ZMYND8: variants seen among roughly 807,000 people sequenced by gnomAD.
ZMYND8 encodes MYND-type zinc finger-containing chromatin reader ZMYND8.
ZMYND8 carries 37 observed loss-of-function variants against 140.8 expected under a neutral mutation model. The ratio of observed to expected loss-of-function variants is 0.26; its 90% confidence interval spans 0.20 to 0.35. The LOEUF (loss-of-function observed/expected upper bound fraction) is 0.35. Among genes scored for constraint, ZMYND8 ranks in the 10% least tolerant of loss-of-function variants. The probability of loss-of-function intolerance (pLI) is 1.00; values close to 1 mark genes in which losing one functional copy is unlikely to be tolerated. For missense variants in ZMYND8, 1,068 were observed against 1,570.0 expected (o/e 0.68, Z 5.40); for synonymous variants, 592 against 597.1 (o/e 0.99, Z 0.12).
intron 9 of ZMYND8, 57 bp downstream of exon 9, chr20:47,283,514 T>C (rs1490065183): frequency 3.1e-5 from 49 of 1,572,530 alleles, no homozygotes; most frequent in Non-Finnish European, 4.0e-5. Flanking sequence ...TGTCTCAGGG[T>C]AGTCATCCAA....
At chr20:47,274,944 A>T (rs1212814837) in intron 11 of ZMYND8, among the ~76,000 whole-genome samples, 2 of 152,204 alleles carry the variant, frequency 1.3e-5, no homozygotes, top group East Asian at 3.8e-4. Context: ...TGGTATCCTG[A>T]AGAACTGATG....
intron 3 of ZMYND8, among the ~76,000 whole-genome samples, chr20:47,304,467 A>C (rs540658674): frequency 1.3e-4 from 20 of 152,232 alleles, no homozygotes; most frequent in Non-Finnish European, 2.8e-4. Flanking sequence ...AAAACTCTAT[A>C]AACACAGGCT....
intron 2 of ZMYND8, among the ~76,000 whole-genome samples, chr20:47,333,743 A>AAAAAAAAAAAC (rs1450305767): frequency 7.7e-5 from 11 of 142,510 alleles, no homozygotes; most frequent in African/African-American, 3.2e-4. Flanking sequence ...AAAAAAAAAA[A>AAAAAAAAAAAC]AAAAAAAAAA....
At chr20:47,308,028 G>A (rs931914873) in intron 3 of ZMYND8, among the ~76,000 whole-genome samples, 1 of 149,816 alleles carries the variant, frequency 6.7e-6, no homozygotes, top group Admixed American at 6.6e-5. Context: ...TGAGGCAGAA[G>A]AATCCCTTGA....
At chr20:47,280,486 AAG>A (rs2076539750) in intron 10 of ZMYND8, among the ~76,000 whole-genome samples, 1 of 152,164 alleles carries the variant, frequency 6.6e-6, no homozygotes, top group Non-Finnish European at 1.5e-5. Context: ...CATGCTCTGT[AAG>A]CCACCTTCAG....
rs2076270693 is a variant in ZMYND8, at chr20:47,276,524, T to C, written c.1270A>G (p.Thr424Ala). Residue 424 changes from threonine to alanine, a missense_variant, in exon 11 of 23, where the codon ACG becomes GCG. By Grantham distance (58) the Thr-to-Ala change is moderately conservative (BLOSUM62 0). This residue lies in a region of ZMYND8 where 173 missense variants were observed against 223.3 expected (regional missense o/e 0.77). Coordinates refer to ENST00000471951, the MANE Select transcript of ZMYND8 (RefSeq NM_001281775.3). ...QEKVKLNFDM[T>A]ASPKILMSKP... ...CTCATCAGGATCTTGGGGGATGCCG[T>C]CATGTCAAAGTTGAGCTTGACCTTC... 1 of 1,613,946 alleles carries C rather than the reference T, an allele frequency of 6.2e-7. No homozygotes were observed. The highest frequency in any genetic ancestry group is 8.5e-7 in the Non-Finnish European group (1 of 1,180,004).
At chr20:47,223,802 GGCAACAAGA>G (rs2037327941) in intron 19 of ZMYND8, among the ~76,000 whole-genome samples, 1 of 151,430 alleles carries the variant, frequency 6.6e-6, no homozygotes, top group Non-Finnish European at 1.5e-5. Flanking sequence ...CTCCAGCCTG[GGCAACAAGA>G]GCGAAACTCT....
intron 17 of ZMYND8, among the ~76,000 whole-genome samples, chr20:47,228,858 C>T (rs1437292188): frequency 6.6e-6 from 1 of 152,208 alleles, no homozygotes; most frequent in Admixed American, 6.5e-5. Flanking sequence ...AACCCGTTTG[C>T]ATCTGGCCTA....
intron 6 of ZMYND8, among the ~76,000 whole-genome samples, chr20:47,291,424 C>G (rs1241248814): frequency 2.6e-5 from 4 of 152,130 alleles, no homozygotes; most frequent in Non-Finnish European, 1.5e-5. Flanking sequence ...TGGAGGCTTC[C>G]CAGACACTTA....
At chr20:47,211,490 G>C (rs1043813906) in intron 22 of ZMYND8, among the ~76,000 whole-genome samples, 1 of 152,226 alleles carries the variant, frequency 6.6e-6, no homozygotes, top group African/African-American at 2.4e-5. Context: ...GAAGAATTCA[G>C]AATCAGAATA....
chr20:47,233,196 C>T (rs981669320), intron 16 of ZMYND8, among the ~76,000 whole-genome samples: 2 of 147,562 alleles, frequency 1.4e-5, no homozygotes, highest in South Asian at 2.2e-4. Flanking sequence ...TGTGAGACAC[C>T]GCACCAGGCT....
rs2034971203 is a variant in ZMYND8, at chr20:47,209,365, G to C, written c.*1396C>G. 6.6e-6 allele frequency: 1 copy of C among 152,016 alleles called. No homozygotes were observed. Among genetic ancestry groups the C allele is most frequent in the Non-Finnish European group, 1.5e-5 (1 of 68,016 alleles). The allele number at this position is 152,016 out of a possible 1,614,324, so 9.4% of individuals were successfully genotyped here. ...ACACCACCATCAAAAAGATATTTAA[G>C]TTTAATACAAATTTTATACAAAGAA... On this transcript the variant is annotated 3_prime_UTR_variant, in exon 23 of 23. Transcript: ENST00000471951.
intron 12 of ZMYND8, 110 bp downstream of exon 12, chr20:47,262,178 G>T: frequency 6.8e-7 from 1 of 1,473,650 alleles, no homozygotes; most frequent in Non-Finnish European, 9.3e-7. Flanking sequence ...TGCATTTTTT[G>T]CATAGAGAAA....
intron 12 of ZMYND8, among the ~76,000 whole-genome samples, chr20:47,260,055 C>T (rs2075041042): frequency 6.6e-6 from 1 of 152,138 alleles, no homozygotes; most frequent in Non-Finnish European, 1.5e-5. Flanking sequence ...CCTGCCATAC[C>T]CAGATCTGTC....
chr20:47,254,736 G>A (rs1208524395), intron 12 of ZMYND8, among the ~76,000 whole-genome samples: 1 of 152,006 alleles, frequency 6.6e-6, no homozygotes, highest in Non-Finnish European at 1.5e-5. Context: ...GGTGGGGTGG[G>A]GTGGAGGGGC....
chr20:47,273,635 T>C (rs886342060), intron 11 of ZMYND8, among the ~76,000 whole-genome samples: 3 of 152,236 alleles, frequency 2.0e-5, no homozygotes, highest in African/African-American at 4.8e-5. Flanking sequence ...TTCTTCTATC[T>C]AGCTAGCTGT....
chr20:47,305,630 A>T (rs1449867520), intron 3 of ZMYND8, among the ~76,000 whole-genome samples: 1 of 152,084 alleles, frequency 6.6e-6, no homozygotes, highest in Non-Finnish European at 1.5e-5. Flanking sequence ...TGTGGGCCCA[A>T]GAAAATAAGT....
intron 14 of ZMYND8, among the ~76,000 whole-genome samples, chr20:47,239,530 G>C (rs1178073768): frequency 6.6e-6 from 1 of 152,224 alleles, no homozygotes; most frequent in Non-Finnish European, 1.5e-5. Flanking sequence ...GGCACCTTGA[G>C]AAGGGCCCAG....
rs535019574 is a variant in ZMYND8 at position 47,247,966 on chromosome 20, T to C, written c.1774+1321A>G. Among the ~76,000 whole-genome samples, 8 of 152,240 alleles carry C rather than the reference T, an allele frequency of 5.3e-5. No homozygotes were observed. In the South Asian group the frequency reaches 1.2e-3, roughly 24 times the overall value. ...AAGCCAAAATACAAACACCCAGATCTGGTATAATTCTGGGATCCTAGGCTT... is the reference window on the plus strand; with the variant it reads ...AAGCCAAAATACAAACACCCAGATCCGGTATAATTCTGGGATCCTAGGCTT... On this transcript the variant is annotated intron_variant, in intron 13 of 22. Transcript: ENST00000471951.
Sources: allele counts gnomAD v4.1 joint callset (sites outside exome capture counted in the v4.1 genomes callset), GRCh38; gene constraint gnomAD v4.1.1; regional missense constraint gnomAD v4.1.1; transcripts MANE v1.5; gene names NCBI Gene and HGNC (gene_info 2026-07-23, HGNC 2026-07-21).